The following GRID1 variants were observed in gnomAD, a reference collection of about 807,000 sequenced individuals.
GRID1 encodes glutamate receptor ionotropic, delta-1.
In GRID1, 28 loss-of-function variants were observed where a neutral mutation model predicts 98.0. The ratio of observed to expected loss-of-function variants is 0.29; its 90% CI spans 0.21 to 0.39. The LOEUF (loss-of-function observed/expected upper bound fraction) is 0.39, where lower values mean the gene tolerates loss of function less well. GRID1 is among the 10% of genes least tolerant of loss of function. The pLI, the probability that GRID1 is intolerant of heterozygous loss-of-function variation, is 1.00. For missense variants in GRID1, 1,111 were observed against 1,340.5 expected (o/e 0.83, Z 2.67); for synonymous variants, 553 against 538.5 (o/e 1.03, Z -0.37).
chr10:85,889,932 C>G (rs893750802), intron 5 of GRID1, among the ~76,000 whole-genome samples: 1 of 152,034 alleles, frequency 6.6e-6, no homozygotes, highest in Non-Finnish European at 1.5e-5. Flanking sequence ...ACACATAATG[C>G]ACATATTCGG....
intron 12 of GRID1, among the ~76,000 whole-genome samples, chr10:85,721,162 CA>C (rs1841698480): frequency 6.6e-6 from 1 of 152,168 alleles, no homozygotes. Context: ...CCACACCTAT[CA>C]GAATGGTAAA....
chr10:85,796,391 G>GA (rs1478901199), intron 8 of GRID1, among the ~76,000 whole-genome samples: 1 of 152,024 alleles, frequency 6.6e-6, no homozygotes, highest in Non-Finnish European at 1.5e-5. Context: ...TTCTTACAGA[G>GA]AAAAAATGGT....
chr10:85,615,342 A>T (rs1842775823), intron 14 of GRID1, among the ~76,000 whole-genome samples: 1 of 152,340 alleles, frequency 6.6e-6, no homozygotes, highest in African/African-American at 2.4e-5. Context: ...TCATCTTTGC[A>T]ACATAAACTG....
At chr10:85,983,771 G>A (rs536859061) in intron 4 of GRID1, among the ~76,000 whole-genome samples, 2 of 152,282 alleles carry the variant, frequency 1.3e-5, no homozygotes, top group African/African-American at 4.8e-5. Context: ...GCTCCTCAAG[G>A]CTGCACTCCA....
intron 2 of GRID1, among the ~76,000 whole-genome samples, chr10:86,218,205 C>T (rs1010789118): frequency 1.3e-5 from 2 of 152,036 alleles, no homozygotes; most frequent in African/African-American, 2.4e-5. Flanking sequence ...CACGCACCAG[C>T]AAAGGTATAT....
chr10:86,275,686 A>G (rs929427679), intron 2 of GRID1, among the ~76,000 whole-genome samples: 1 of 152,182 alleles, frequency 6.6e-6, no homozygotes, highest in African/African-American at 2.4e-5. Flanking sequence ...GACAGAAGAC[A>G]GTGAACTTAA....
At chr10:86,156,962 G>T (rs1271808036) in intron 3 of GRID1, among the ~76,000 whole-genome samples, 3 of 152,198 alleles carry the variant, frequency 2.0e-5, no homozygotes, top group Non-Finnish European at 2.9e-5. Flanking sequence ...AGGGGCATCA[G>T]GAGTGAATGA....
intron 8 of GRID1, among the ~76,000 whole-genome samples, chr10:85,841,543 T>C (rs916214439): frequency 2.6e-5 from 4 of 151,942 alleles, no homozygotes; most frequent in Middle Eastern, 3.2e-3. Flanking sequence ...TAGGGTAAAC[T>C]GACAACCTAC....
intron 3 of GRID1, among the ~76,000 whole-genome samples, chr10:86,153,817 C>A (rs545076698): frequency 1.3e-5 from 2 of 152,262 alleles, no homozygotes; most frequent in Admixed American, 1.3e-4. Flanking sequence ...GGGCTGCCTA[C>A]CCATCCATCA....
At chr10:86,231,937 T>C (rs987256776) in intron 2 of GRID1, among the ~76,000 whole-genome samples, 59 of 152,244 alleles carry the variant, frequency 3.9e-4, no homozygotes, top group South Asian at 1.0e-3. Flanking sequence ...CAAATGCTCA[T>C]TGGGTGAGGG....
intron 4 of GRID1, among the ~76,000 whole-genome samples, chr10:86,003,208 T>C (rs529982118): frequency 6.6e-6 from 1 of 152,270 alleles, no homozygotes; most frequent in South Asian, 2.1e-4. Flanking sequence ...GCCATGGGGA[T>C]AGAGTTGATG....
At chr10:86,081,509 C>A (rs942308593) in intron 4 of GRID1, among the ~76,000 whole-genome samples, 4 of 152,198 alleles carry the variant, frequency 2.6e-5, no homozygotes, top group Admixed American at 2.6e-4. Context: ...GCAGTGAATG[C>A]ACAGATCAGC....
chr10:85,987,090 T>C (rs1234202600), intron 4 of GRID1, among the ~76,000 whole-genome samples: 1 of 151,828 alleles, frequency 6.6e-6, no homozygotes, highest in Non-Finnish European at 1.5e-5. Context: ...CACGGGCACC[T>C]AGCAGACCCC....
At chr10:86,077,861 C>T (rs1293699312) in intron 4 of GRID1, among the ~76,000 whole-genome samples, 1 of 152,258 alleles carries the variant, frequency 6.6e-6, no homozygotes, top group Admixed American at 6.5e-5. Flanking sequence ...AGGGCATGGA[C>T]ATTAAGTGAC....
At chr10:86,152,892 T>A (rs1219221971) in intron 3 of GRID1, among the ~76,000 whole-genome samples, 1 of 152,228 alleles carries the variant, frequency 6.6e-6, no homozygotes, top group Non-Finnish European at 1.5e-5. Flanking sequence ...ACTGACCTCA[T>A]GACAAGTGTT....
intron 13 of GRID1, among the ~76,000 whole-genome samples, chr10:85,633,946 C>CG (rs1350433923): frequency 1.3e-5 from 2 of 151,804 alleles, no homozygotes; most frequent in Admixed American, 1.3e-4. Context: ...CTGAGGTGGG[C>CG]GGATCACCTG....
At chr10:86,347,553 A>AG (rs1342420261) in intron 2 of GRID1, among the ~76,000 whole-genome samples, 1 of 152,204 alleles carries the variant, frequency 6.6e-6, no homozygotes, top group Non-Finnish European at 1.5e-5. Context: ...GCAAGTGGCC[A>AG]GGGGGCTGGG....
At chr10:86,337,409 T>G (rs981457299) in intron 2 of GRID1, among the ~76,000 whole-genome samples, 1 of 152,122 alleles carries the variant, frequency 6.6e-6, no homozygotes, top group Non-Finnish European at 1.5e-5. Context: ...GACACCATCC[T>G]GTAAGGGGCA....
At chr10:85,681,506 C>G (rs1269318288) in intron 12 of GRID1, among the ~76,000 whole-genome samples, 4 of 152,146 alleles carry the variant, frequency 2.6e-5, no homozygotes, top group Non-Finnish European at 5.9e-5. Context: ...TCCACATCTT[C>G]TCTTCTTTCC....
Sources: allele counts gnomAD v4.1 joint callset (sites outside exome capture counted in the v4.1 genomes callset), GRCh38; gene constraint gnomAD v4.1.1; transcripts MANE v1.5; gene names NCBI Gene and HGNC (gene_info 2026-07-23, HGNC 2026-07-21).